The following FBXO21 variants were observed in gnomAD, a reference collection of about 807,000 sequenced individuals.
FBXO21 encodes the protein F-box only protein 21.
A neutral mutation model predicts 76.6 loss-of-function variants in FBXO21; 32 were observed. The observed-to-expected ratio is 0.42, with a 90% CI of 0.32 to 0.56. The LOEUF (loss-of-function observed/expected upper bound fraction) is 0.56. FBXO21 is among the 20% of genes least tolerant of loss of function. The pLI, the probability that FBXO21 is intolerant of heterozygous loss-of-function variation, is 0.16. For missense variants in FBXO21, 586 were observed against 797.3 expected (o/e 0.73, Z 3.19); for synonymous variants, 328 against 311.5 (o/e 1.05, Z -0.56).
In FBXO21 at chr12:117,165,595, G is replaced by A; in HGVS notation, c.1216C>T (p.Gln406Ter). Residue 406 changes from glutamine (Q) to a stop codon, truncating the protein, a stop_gained, in exon 9 of 12, where the codon CAG becomes TAG. Transcript: ENST00000622495. LOFTEE classifies it high-confidence loss of function. ...AGATCCAGCGAGTCTCTCAGGAGCTGGTATGACTGGTCGATGCCTTCCCTA... is the reference window on the plus strand; with the variant it reads ...AGATCCAGCGAGTCTCTCAGGAGCTAGTATGACTGGTCGATGCCTTCCCTA... The part of the protein sequence containing the change: ...GKREGIDQSY[Q>*]LLRDSLDLYL... 6.2e-7 allele frequency: 1 copy of A among 1,611,558 alleles called. No individual in the cohort carries two copies. The highest frequency in any genetic ancestry group is 8.5e-7 in the Non-Finnish European group (1 of 1,178,338).
chr12:117,168,614 C>T (rs1956085637), intron 7 of FBXO21, among the ~76,000 whole-genome samples: 1 of 152,086 alleles, frequency 6.6e-6, no homozygotes. Context: ...ACAAGGCACT[C>T]TTAAACTCTT....
Position 117,190,340 on chromosome 12 carries a change from C to T in FBXO21, c.117G>A (p.Glu39=). ...CLVNLPGEVL[E]YILCCGSLTA... is the part of the protein sequence containing the mutation. The stretch of plus-strand genomic sequence containing the variant: ...TCAGCGAGCCGCAGCACAGGATGTA[C>T]TCCAGCACCTCACCCGGCAGGTTGA... The change falls in exon 1 of 12, where the codon GAG becomes GAA. Residue 39 remains glutamate (E), a synonymous_variant. Transcript: ENST00000622495. The T allele has an allele frequency of 6.5e-7, 1 of 1,541,774 alleles. No individual in the cohort carries two copies. The highest frequency in any genetic ancestry group is 8.7e-7 in the Non-Finnish European group (1 of 1,154,156).
chr12:117,160,633 AT>A (rs929811610), intron 9 of FBXO21, among the ~76,000 whole-genome samples: 14 of 151,804 alleles, frequency 9.2e-5, no homozygotes, highest in Non-Finnish European at 1.8e-4. Flanking sequence ...GTTCTGCCAC[AT>A]TTTTTTTGAG....
At position 117,152,237 on chromosome 12, in the gene FBXO21, C is replaced by T. The variant is rs551330287; in HGVS notation, c.1675+3554G>A. 1.8e-4 allele frequency among the ~76,000 whole-genome samples: 27 copies of T among 152,274 alleles called. 2 individuals are homozygous for T. Among genetic ancestry groups the T allele is most frequent in the African/African-American group, 5.5e-4 (23 of 41,554 alleles). On this transcript the variant is annotated intron_variant, in intron 11 of 11. Transcript: ENST00000622495. ...ATCTCAACACTTTGAGAGGCTGAAG[C>T]GGGCAGAATGCTTGAGTCCAGGACT... is the stretch of plus-strand genomic sequence containing the variant.
Position 117,189,264 on chromosome 12 carries a change from A to C in FBXO21, c.338T>G (p.Ile113Ser). The change falls in exon 2 of 12, where the codon ATT becomes AGT. Residue 113 changes from isoleucine to serine, a missense_variant. Physicochemically the swap from Ile to Ser is moderately radical, Grantham distance 142. Transcript: ENST00000622495. ...RQKAGLEARK[I>S]VASFSKRFFS... ...GAACCTCTTTGAGAACGAGGCTACA[A>C]TCTTCCGCGCTTCTAACCCAGCTTT... 1 of 1,614,212 alleles carries C rather than the reference A, an allele frequency of 6.2e-7. No homozygotes were observed. The highest frequency in any genetic ancestry group is 8.5e-7 in the Non-Finnish European group (1 of 1,180,046).
intron 11 of FBXO21, among the ~76,000 whole-genome samples, chr12:117,150,391 G>C (rs1490458852): frequency 6.6e-6 from 1 of 152,214 alleles, no homozygotes; most frequent in Non-Finnish European, 1.5e-5. Context: ...GTCCTGTCCT[G>C]ATCCGGTCTT....
At chr12:117,150,956 T>TTGTGTGTGTGTGTG (rs3999685) in intron 11 of FBXO21, among the ~76,000 whole-genome samples, 7 of 94,650 alleles carry the variant, frequency 7.4e-5, no homozygotes, top group African/African-American at 2.5e-4. Context: ...TCAAATAAGT[T>TTGTGTGTGTGTGTG]TGTGTGTGTG....
rs1372899837 is a variant in FBXO21 at position 117,145,184 on chromosome 12, C to G, written c.*903G>C. 1.3e-5 allele frequency: 2 copies of G among 149,562 alleles called. No homozygotes were observed. The highest frequency in any genetic ancestry group is 4.0e-4 in the East Asian group (2 of 5,056). The allele number at this position is 149,562 out of a possible 1,614,324, so 9.3% of individuals were successfully genotyped here. A position where few individuals can be genotyped will look rare whatever the true frequency, so the allele number is the denominator to read the frequency against. On this transcript the variant is annotated 3_prime_UTR_variant, in exon 12 of 12. Coordinates refer to ENST00000622495, the MANE Select transcript of FBXO21 (RefSeq NM_015002.3). ...GACTTCTAAGAGCAAACATTAACATCAGATTTGTATGTCTCACTACAAAAA... is the reference window on the plus strand; with the variant it reads ...GACTTCTAAGAGCAAACATTAACATGAGATTTGTATGTCTCACTACAAAAA...
Position 117,189,215 on chromosome 12 carries a change from A to G in FBXO21, c.375+12T>C. On this transcript the variant is annotated intron_variant, in intron 2 of 11. Coordinates refer to ENST00000622495, the MANE Select transcript of FBXO21 (RefSeq NM_015002.3). ...CAAGCCAAAGCTTAGAGCCACATCA[A>G]CAGATCCTTACGTGCTCTGAAAAGA... 4 of 1,614,216 alleles carry G rather than the reference A, an allele frequency of 2.5e-6. No individual in the cohort carries two copies. Among genetic ancestry groups the G allele is most frequent in the Non-Finnish European group, 1.7e-6 (2 of 1,180,036 alleles).
chr12:117,161,737 A>T (rs1955979128), intron 9 of FBXO21, among the ~76,000 whole-genome samples: 1 of 152,126 alleles, frequency 6.6e-6, no homozygotes, highest in Non-Finnish European at 1.5e-5. Flanking sequence ...ACAGGCAGAA[A>T]CTGACACAAG....
intron 11 of FBXO21, among the ~76,000 whole-genome samples, chr12:117,153,346 G>A (rs1314587151): frequency 1.3e-5 from 2 of 152,120 alleles, no homozygotes; most frequent in Non-Finnish European, 2.9e-5. Flanking sequence ...GAGCAAGGGG[G>A]GTATGGGGGC....
rs73206033 is a variant in FBXO21 at position 117,142,737 on chromosome 12, G to C, written c.*3350C>G. The C allele has an allele frequency of 0.18, 27,712 of 150,750 alleles. 3,181 individuals carry two copies. Among genetic ancestry groups the C allele is most frequent in the East Asian group, 0.43 (2,165 of 5,084 alleles). 9.3% of individuals were successfully genotyped at this position (150,750 alleles called of 1,614,324 possible). ...GAAGAGCTGCATCTTGATCATCATGGACAGATACTTTTCAGTTAAAAAGTT... is the reference window on the plus strand; with the variant it reads ...GAAGAGCTGCATCTTGATCATCATGCACAGATACTTTTCAGTTAAAAAGTT... On this transcript the variant is annotated 3_prime_UTR_variant, in exon 12 of 12. Transcript: ENST00000622495.
At position 117,147,706 on chromosome 12, in the gene FBXO21, A is replaced by G. The variant is rs1430593383; in HGVS notation, c.1676-1429T>C. Among the ~76,000 whole-genome samples, 3 of 152,178 alleles carry G rather than the reference A, an allele frequency of 2.0e-5. No homozygotes were observed. In the South Asian group the frequency reaches 6.2e-4, roughly 32 times the overall value. On this transcript the variant is annotated intron_variant, in intron 11 of 11. Coordinates refer to ENST00000622495, the MANE Select transcript of FBXO21 (RefSeq NM_015002.3). Reference sequence around the variant, plus strand: ...AAGGCTCCTCCACAGGGCCAGTTAAAGGACGGTGCTTTGTGCGCCCTTCTT... The same window carrying G: ...AAGGCTCCTCCACAGGGCCAGTTAAGGGACGGTGCTTTGTGCGCCCTTCTT...
At chr12:117,155,627 C>T in intron 11 of FBXO21, 164 bp downstream of exon 11, 1 of 788,932 alleles carries the variant, frequency 1.3e-6, no homozygotes, top group East Asian at 2.7e-5. Context: ...TGTGCAGACC[C>T]AGCCACGTTT....
intron 7 of FBXO21, among the ~76,000 whole-genome samples, chr12:117,169,779 C>T (rs574592036): frequency 6.6e-6 from 1 of 152,234 alleles, no homozygotes; most frequent in Non-Finnish European, 1.5e-5. Context: ...GCAGCTGGGA[C>T]TACAGGCGTG....
At chr12:117,183,916 T>C (rs969438468) in intron 3 of FBXO21, among the ~76,000 whole-genome samples, 1 of 152,224 alleles carries the variant, frequency 6.6e-6, no homozygotes, top group African/African-American at 2.4e-5. Flanking sequence ...TCCAGTACCA[T>C]TTCTTTAAAA....
At chr12:117,186,921 G>A (rs1956289158) in intron 2 of FBXO21, among the ~76,000 whole-genome samples, 2 of 152,234 alleles carry the variant, frequency 1.3e-5, no homozygotes. Flanking sequence ...GAGGTAAGGA[G>A]TTTGAGACCA....
At chr12:117,158,221 C>A in intron 9 of FBXO21, 158 bp from the exon 10 acceptor site, 1 of 745,848 alleles carries the variant, frequency 1.3e-6, no homozygotes, top group Non-Finnish European at 2.2e-6. Context: ...TCTGGACCAT[C>A]CTCTGATGGA....
At chr12:117,152,589 A>AT (rs1300674899) in intron 11 of FBXO21, among the ~76,000 whole-genome samples, 31 of 151,642 alleles carry the variant, frequency 2.0e-4, no homozygotes, top group Admixed American at 9.2e-4. Flanking sequence ...AAAGAGAAAA[A>AT]AAACAACCAA....
Sources: gnomAD v4.1 joint callset for allele counts (sites outside exome capture counted in the v4.1 genomes callset) on GRCh38, gnomAD v4.1.1 for gene constraint, MANE v1.5 for transcripts, NCBI Gene and HGNC (gene_info 2026-07-23, HGNC 2026-07-21) for gene names.